MAPRE2: variants seen among roughly 807,000 people sequenced by gnomAD.
MAPRE2 encodes microtubule-associated protein RP/EB family member 2.
In MAPRE2, 13 loss-of-function variants were observed where a neutral mutation model predicts 43.2. The ratio of observed to expected loss-of-function variants is 0.30; its 90% confidence interval spans 0.20 to 0.48. The LOEUF (loss-of-function observed/expected upper bound fraction) is 0.48, where lower values mean the gene tolerates loss of function less well. Ranked by LOEUF, MAPRE2 falls within the 20% of genes least tolerant of loss-of-function variation. The pLI is 0.99. For synonymous variants in MAPRE2, 135 were observed against 148.8 expected (o/e 0.91, Z 0.68); for missense variants, 161 against 400.2 (o/e 0.40, Z 5.10).
intron 4 of MAPRE2, among the ~76,000 whole-genome samples, chr18:35,109,972 G>T (rs577665555): frequency 2.0e-5 from 3 of 151,780 alleles, no homozygotes; most frequent in Non-Finnish European, 4.4e-5. Flanking sequence ...TTTACTTACC[G>T]CCTTTTAAAC....
rs1350928970 is a variant in MAPRE2 at position 35,140,713 on chromosome 18, G to A, written c.*344G>A. On this transcript the variant is annotated 3_prime_UTR_variant, in exon 7 of 7. Transcript: ENST00000300249. ...TGCCACCACCCCTCTTTTTATCCTGGTGTGAAACAATGGTAATTTGATATA... is the reference window on the plus strand; with the variant it reads ...TGCCACCACCCCTCTTTTTATCCTGATGTGAAACAATGGTAATTTGATATA... 1.5e-5 allele frequency: 4 copies of A among 270,752 alleles called. No individual in the cohort carries two copies. The highest frequency in any genetic ancestry group is 2.1e-5 in the Non-Finnish European group (3 of 142,496). 16.8% of individuals were successfully genotyped at this position (270,752 alleles called of 1,614,324 possible).
chr18:35,026,418 C>T (rs477705), intron 2 of MAPRE2, among the ~76,000 whole-genome samples: 49,375 of 151,986 alleles, frequency 0.32, 9,348 homozygotes, highest in African/African-American at 0.52. Flanking sequence ...GCTTATTCAG[C>T]AAGTGAGAGA....
chr18:35,023,286 G>T (rs2097043052), intron 2 of MAPRE2, among the ~76,000 whole-genome samples: 1 of 152,060 alleles, frequency 6.6e-6, no homozygotes, highest in African/African-American at 2.4e-5. Context: ...GCCGAGGTGG[G>T]TGGATCATGA....
intron 2 of MAPRE2, among the ~76,000 whole-genome samples, chr18:35,094,913 A>G (rs1464134823): frequency 2.6e-5 from 4 of 152,186 alleles, no homozygotes; most frequent in African/African-American, 9.7e-5. Context: ...AGCCTAGGTC[A>G]TGGGCCTTCA....
chr18:35,065,806 G>A (rs563620711), intron 1 of MAPRE2, among the ~76,000 whole-genome samples: 39 of 152,224 alleles, frequency 2.6e-4, no homozygotes, highest in African/African-American at 8.9e-4. Context: ...CACCCGCCTC[G>A]GCCTCCCAAA....
intron 5 of MAPRE2, among the ~76,000 whole-genome samples, chr18:35,129,985 G>C (rs1910074641): frequency 6.6e-6 from 1 of 152,186 alleles, no homozygotes; most frequent in East Asian, 1.9e-4. Flanking sequence ...TGTTGGTAGT[G>C]GCAGCTGTTA....
At chr18:35,033,046 G>A (rs2150593171) in intron 2 of MAPRE2, among the ~76,000 whole-genome samples, 1 of 152,078 alleles carries the variant, frequency 6.6e-6, no homozygotes, top group East Asian at 1.9e-4. Context: ...ATGAAAAATT[G>A]CAGTGGTCAC....
At chr18:35,085,224 G>A (rs2144137458) in intron 2 of MAPRE2, among the ~76,000 whole-genome samples, 1 of 152,320 alleles carries the variant, frequency 6.6e-6, no homozygotes, top group Admixed American at 6.5e-5. Flanking sequence ...GTATTTTGCA[G>A]CCTCACTTTC....
At chr18:35,098,745 A>C (rs1221694004) in intron 3 of MAPRE2, among the ~76,000 whole-genome samples, 1 of 152,230 alleles carries the variant, frequency 6.6e-6, no homozygotes, top group African/African-American at 2.4e-5. Context: ...GATTAGAAAG[A>C]AAAGAAACAC....
At chr18:35,068,729 A>G (rs1432758693) in intron 1 of MAPRE2, among the ~76,000 whole-genome samples, 1 of 152,236 alleles carries the variant, frequency 6.6e-6, no homozygotes, top group Non-Finnish European at 1.5e-5. Context: ...ATAATAGAAT[A>G]TTTGAAGTTT....
At chr18:35,104,014 TAC>T (rs1390984842) in intron 4 of MAPRE2, among the ~76,000 whole-genome samples, 1 of 151,906 alleles carries the variant, frequency 6.6e-6, no homozygotes, top group Non-Finnish European at 1.5e-5. Context: ...TGGAAATACA[TAC>T]ATTTAAGGGG....
At chr18:34,985,319 T>TATTAC (rs2097019431) in intron 1 of MAPRE2, among the ~76,000 whole-genome samples, 1 of 43,886 alleles carries the variant, frequency 2.3e-5, no homozygotes, top group South Asian at 6.7e-4. Context: ...TATTATATTA[T>TATTAC]ATATATAATA....
chr18:35,102,347 C>T (rs1296395653), intron 4 of MAPRE2, among the ~76,000 whole-genome samples, 188 bp downstream of exon 4: 3 of 152,158 alleles, frequency 2.0e-5, no homozygotes. Flanking sequence ...TTAGTCTAAC[C>T]ATCTTCATTT....
intron 5 of MAPRE2, chr18:35,127,655 G>A (rs1909965608): frequency 6.6e-6 from 1 of 152,234 alleles, no homozygotes; most frequent in South Asian, 2.1e-4. Flanking sequence ...GTTGCACACA[G>A]TAAGTTATTA....
At chr18:34,997,711 G>A (rs1350773660) in intron 1 of MAPRE2, among the ~76,000 whole-genome samples, 3 of 152,222 alleles carry the variant, frequency 2.0e-5, no homozygotes, top group Non-Finnish European at 4.4e-5. Context: ...AGCTATTCGG[G>A]AGGCTGAGGC....
chr18:34,991,429 T>C (rs1217683901), intron 1 of MAPRE2, among the ~76,000 whole-genome samples: 2 of 152,182 alleles, frequency 1.3e-5, no homozygotes, highest in African/African-American at 2.4e-5. Flanking sequence ...TACAGAACTA[T>C]TATTTGCCTT....
chr18:35,033,846 G>A (rs1603392071), intron 2 of MAPRE2, among the ~76,000 whole-genome samples: 1 of 145,270 alleles, frequency 6.9e-6, no homozygotes, highest in Non-Finnish European at 1.5e-5. Flanking sequence ...ACAAACCACT[G>A]CTCAAGGAAA....
At chr18:34,983,311 T>C (rs2097017350) in intron 1 of MAPRE2, among the ~76,000 whole-genome samples, 1 of 152,238 alleles carries the variant, frequency 6.6e-6, no homozygotes, top group Non-Finnish European at 1.5e-5. Flanking sequence ...ATTTTAGTGA[T>C]ACGGTCAACT....
At chr18:35,001,539 A>G (rs1178170099) in intron 1 of MAPRE2, among the ~76,000 whole-genome samples, 1 of 150,912 alleles carries the variant, frequency 6.6e-6, no homozygotes, top group Non-Finnish European at 1.5e-5. Context: ...AAGATACGTG[A>G]TGTATCAAGC....
Sources: allele counts gnomAD v4.1 joint callset (sites outside exome capture counted in the v4.1 genomes callset), GRCh38; gene constraint gnomAD v4.1.1; transcripts MANE v1.5; gene names NCBI Gene and HGNC (gene_info 2026-07-23, HGNC 2026-07-21).